SMIM13: variants seen among roughly 807,000 people sequenced by gnomAD.
SMIM13 encodes the protein small integral membrane protein 13.
A neutral mutation model predicts 5.9 loss-of-function variants in SMIM13; 3 were observed. The ratio of observed to expected loss-of-function variants is 0.51; its 90% CI spans 0.23 to 1.31. The LOEUF (loss-of-function observed/expected upper bound fraction) is 1.31, where lower values mean the gene tolerates loss of function less well. Among genes scored for constraint, SMIM13 ranks in the 40% most tolerant of loss-of-function variants. The pLI is 0.18. For missense variants in SMIM13, 85 were observed against 109.9 expected (o/e 0.77, Z 1.01); for synonymous variants, 55 against 46.0 (o/e 1.19, Z -0.79).
At chr6:11,134,252 G>A (rs953431592) in intron 1 of SMIM13, 151 bp from the exon 2 acceptor site, 8 of 511,016 alleles carry the variant, frequency 1.6e-5, no homozygotes, top group African/African-American at 5.9e-5. Context: ...CTCATTCCTT[G>A]TACAAAAAAT....
At chr6:11,115,173 G>C (rs937359521) in intron 1 of SMIM13, among the ~76,000 whole-genome samples, 1 of 152,048 alleles carries the variant, frequency 6.6e-6, no homozygotes, top group Middle Eastern at 3.2e-3. Flanking sequence ...TTGGATTTTT[G>C]GAAGCATTTA....
intron 1 of SMIM13, among the ~76,000 whole-genome samples, chr6:11,123,464 A>C (rs1758336908): frequency 6.6e-6 from 1 of 152,208 alleles, no homozygotes; most frequent in Non-Finnish European, 1.5e-5. Flanking sequence ...TATGTGTGTG[A>C]CTTTCTATTT....
At chr6:11,130,747 C>T (rs1758442355) in intron 1 of SMIM13, among the ~76,000 whole-genome samples, 2 of 152,202 alleles carry the variant, frequency 1.3e-5, no homozygotes, top group South Asian at 2.1e-4. Flanking sequence ...TTCCAAGCCT[C>T]TGAAAGCTAC....
chr6:11,118,996 A>G (rs1384638794), intron 1 of SMIM13, among the ~76,000 whole-genome samples: 1 of 152,204 alleles, frequency 6.6e-6, no homozygotes, highest in Non-Finnish European at 1.5e-5. Context: ...TCTGAGATAT[A>G]AGAAATTATG....
chr6:11,101,160 T>C (rs1483346346), intron 1 of SMIM13, among the ~76,000 whole-genome samples: 1 of 152,170 alleles, frequency 6.6e-6, no homozygotes, highest in Non-Finnish European at 1.5e-5. Context: ...GGAGGATGTT[T>C]GGGGCTTTAT....
intron 1 of SMIM13, among the ~76,000 whole-genome samples, chr6:11,130,267 A>AAAAAAAAAC (rs1554119989): frequency 6.9e-6 from 1 of 145,666 alleles, no homozygotes; most frequent in Non-Finnish European, 1.5e-5. Flanking sequence ...AAAAAAAAAA[A>AAAAAAAAAC]AACAACAACA....
intron 1 of SMIM13, among the ~76,000 whole-genome samples, chr6:11,119,884 C>A (rs1158559556): frequency 6.6e-6 from 1 of 152,144 alleles, no homozygotes; most frequent in Non-Finnish European, 1.5e-5. Flanking sequence ...GGCTTAATAA[C>A]TTCTAGCATT....
chr6:11,094,365 A>C lies in SMIM13; in HGVS notation c.52A>C (p.Ile18Leu). ...GCTTGTGTTCGTGGCCACGCTGCTG[A>C]TCGTCCTGCTGCTGATGGTGTGCGG... ...TLLVFVATLLIVLLLMVCGWY... is the reference protein window; with the variant it reads ...TLLVFVATLLLVLLLMVCGWY... Residue 18 changes from isoleucine to leucine, a missense_variant, in exon 1 of 2, where the codon ATC becomes CTC. By Grantham distance (5) the Ile-to-Leu change is conservative. Coordinates refer to ENST00000416247, the MANE Select transcript of SMIM13 (RefSeq NM_001135575.2). 6.5e-7 allele frequency: 1 copy of C among 1,537,694 alleles called. No homozygotes were observed. Among genetic ancestry groups the C allele is most frequent in the Non-Finnish European group, 8.7e-7 (1 of 1,143,980 alleles).
Position 11,134,652 on chromosome 6 carries a change from C to G in SMIM13, c.*50C>G, listed in dbSNP as rs72825155. On this transcript the variant is annotated 3_prime_UTR_variant, in exon 2 of 2. Coordinates refer to ENST00000416247, the MANE Select transcript of SMIM13 (RefSeq NM_001135575.2). The stretch of plus-strand genomic sequence containing the variant: ...GGCAGTTGCCAGCTTCTGTCTTTTA[C>G]TGACTTCGCTTTGAAATTTACTAAT... 0.036 allele frequency: 47,145 copies of G among 1,311,888 alleles called. 970 individuals are homozygous for G. The highest frequency in any genetic ancestry group is 0.079 in the South Asian group (3,881 of 49,284). The allele number at this position is 1,311,888 out of a possible 1,614,324, so 81.3% of individuals were successfully genotyped here. A position where few individuals can be genotyped will look rare whatever the true frequency, so the allele number is the denominator to read the frequency against.
intron 1 of SMIM13, among the ~76,000 whole-genome samples, chr6:11,120,326 T>C (rs964573248): frequency 2.0e-5 from 3 of 152,212 alleles, no homozygotes; most frequent in African/African-American, 7.2e-5. Flanking sequence ...CTCATGGTTC[T>C]AGAGGGCTGG....
At chr6:11,094,420 C>T in intron 1 of SMIM13, 31 bp downstream of exon 1, 3 of 1,514,234 alleles carry the variant, frequency 2.0e-6, no homozygotes, top group East Asian at 2.5e-5. Flanking sequence ...CGAGGCAGTT[C>T]CACACGCCGG....
intron 1 of SMIM13, among the ~76,000 whole-genome samples, chr6:11,106,947 A>G (rs981484146): frequency 1.3e-5 from 2 of 152,206 alleles, no homozygotes; most frequent in African/African-American, 4.8e-5. Context: ...TGGAATTTGT[A>G]TATACTCCTT....
chr6:11,096,317 A>G (rs1057296187), intron 1 of SMIM13, among the ~76,000 whole-genome samples: 10 of 152,200 alleles, frequency 6.6e-5, no homozygotes, highest in African/African-American at 2.2e-4. Flanking sequence ...TTGTGCTCCT[A>G]TGAGAATCTG....
In SMIM13 at chr6:11,097,411, T is replaced by C. The variant is rs189815435; in HGVS notation, c.76+3022T>C. Among the ~76,000 whole-genome samples, 761 of 152,084 alleles carry C rather than the reference T, an allele frequency of 5.0e-3. 1 individual carries two copies. The highest frequency in any genetic ancestry group is 0.024 in the South Asian group (116 of 4,816). On this transcript the variant is annotated intron_variant, in intron 1 of 1. Transcript: ENST00000416247. ...CGGCCCATGCCTGTAATCCCAGCCC[T>C]TTGGAAGGCAGAGGCAGGCAGATCA...
At position 11,137,480 on chromosome 6, in the gene SMIM13, G is replaced by A. The variant is rs994040505; in HGVS notation, c.*2878G>A. On this transcript the variant is annotated 3_prime_UTR_variant, in exon 2 of 2. Transcript: ENST00000416247. Reference sequence around the variant, plus strand: ...TGCAGTCTCAGTGGGAGGTGGACTAGCCTGTGGTTAATTTTAGAGCTTAAA... The same window carrying A: ...TGCAGTCTCAGTGGGAGGTGGACTAACCTGTGGTTAATTTTAGAGCTTAAA... The A allele has an allele frequency of 6.6e-6, 1 of 152,124 alleles. No individual in the cohort carries two copies. The highest frequency in any genetic ancestry group is 2.4e-5 in the African/African-American group (1 of 41,440). 9.4% of individuals were successfully genotyped at this position (152,124 alleles called of 1,614,324 possible).
intron 1 of SMIM13, among the ~76,000 whole-genome samples, chr6:11,115,945 C>T (rs1228704055): frequency 1.3e-5 from 2 of 151,650 alleles, no homozygotes; most frequent in African/African-American, 2.4e-5. Flanking sequence ...CTTCGGCCTC[C>T]CAAAGTGCTG....
Position 11,100,130 on chromosome 6 carries a change from G to A in SMIM13, c.76+5741G>A, listed in dbSNP as rs144104642. Among the ~76,000 whole-genome samples the A allele has an allele frequency of 1.6e-4, 24 of 151,732 alleles. No individual in the cohort carries two copies. In the East Asian group the frequency reaches 2.7e-3, roughly 17 times the overall value. ...GGCTGGAGTCCAGTGGCGTGATCTC[G>A]GCTCACTGCAGCCTCCACCTCCTGG... On this transcript the variant is annotated intron_variant, in intron 1 of 1. Transcript: ENST00000416247.
intron 1 of SMIM13, among the ~76,000 whole-genome samples, chr6:11,121,594 C>A (rs1335104616): frequency 6.6e-6 from 1 of 152,176 alleles, no homozygotes; most frequent in African/African-American, 2.4e-5. Context: ...CACCTGCATA[C>A]ACACCCCTCT....
At chr6:11,119,428 G>A (rs1183338511) in intron 1 of SMIM13, among the ~76,000 whole-genome samples, 1 of 152,134 alleles carries the variant, frequency 6.6e-6, no homozygotes, top group Non-Finnish European at 1.5e-5. Flanking sequence ...GCCGAGACAG[G>A]CGAATCACGA....
Sources: gnomAD v4.1 joint callset for allele counts (sites outside exome capture counted in the v4.1 genomes callset) on GRCh38, gnomAD v4.1.1 for gene constraint, MANE v1.5 for transcripts, NCBI Gene and HGNC (gene_info 2026-07-23, HGNC 2026-07-21) for gene names.